The following METTL15 variants were observed in gnomAD, a reference collection of about 807,000 sequenced individuals.
METTL15 encodes the protein 12S rRNA N(4)-cytidine methyltransferase METTL15.
In METTL15, 34 loss-of-function variants were observed where a neutral mutation model predicts 38.3. That is an observed-to-expected ratio of 0.89 (90% CI 0.68 to 1.18). The LOEUF (loss-of-function observed/expected upper bound fraction) is 1.18, where lower values mean the gene tolerates loss of function less well. Among genes scored for constraint, METTL15 ranks in the 50% most tolerant of loss-of-function variants. The pLI is 0.00. For missense variants in METTL15, 438 were observed against 498.4 expected (o/e 0.88, Z 1.15); for synonymous variants, 162 against 170.9 (o/e 0.95, Z 0.41).
chr11:28,503,830 T>C (rs538675207), intron 6 of METTL15, among the ~76,000 whole-genome samples: 29 of 151,918 alleles, frequency 1.9e-4, no homozygotes, highest in South Asian at 6.2e-4. Context: ...GTAGGCCAGA[T>C]TCTATAGCTC....
chr11:28,234,706 C>T (rs1320893575), intron 4 of METTL15, among the ~76,000 whole-genome samples: 1 of 141,808 alleles, frequency 7.1e-6, no homozygotes, highest in African/African-American at 2.7e-5. Flanking sequence ...TGGATATTAG[C>T]CCTTTGTCAG....
At chr11:28,183,262 C>CT (rs1193450326) in intron 3 of METTL15, among the ~76,000 whole-genome samples, 1 of 152,020 alleles carries the variant, frequency 6.6e-6, no homozygotes, top group Non-Finnish European at 1.5e-5. Context: ...TTTCTCCTGC[C>CT]TGATTACCCT....
At chr11:28,298,208 G>A (rs1388268054) in intron 6 of METTL15, among the ~76,000 whole-genome samples, 1 of 151,982 alleles carries the variant, frequency 6.6e-6, no homozygotes, top group African/African-American at 2.4e-5. Context: ...CCCCTGTCTG[G>A]TGTTCCTTTA....
At chr11:28,221,142 A>G (rs951031814) in intron 4 of METTL15, among the ~76,000 whole-genome samples, 6 of 152,174 alleles carry the variant, frequency 3.9e-5, no homozygotes, top group Non-Finnish European at 8.8e-5. Context: ...CCTGGATAGT[A>G]TCCTGCAGAC....
At chr11:28,226,193 G>A (rs1853469881) in intron 4 of METTL15, among the ~76,000 whole-genome samples, 1 of 151,920 alleles carries the variant, frequency 6.6e-6, no homozygotes, top group Non-Finnish European at 1.5e-5. Context: ...CTCTGAGGCA[G>A]TGGGTGTGAG....
At chr11:28,453,589 C>T (rs1851142153) in intron 6 of METTL15, among the ~76,000 whole-genome samples, 1 of 152,220 alleles carries the variant, frequency 6.6e-6, no homozygotes. Flanking sequence ...GCATGTGTTT[C>T]TACTGGGCCT....
intron 5 of METTL15, among the ~76,000 whole-genome samples, chr11:28,386,707 A>G (rs1268163729): frequency 1.3e-5 from 2 of 151,972 alleles, no homozygotes; most frequent in African/African-American, 4.8e-5. Context: ...TTATAGACCA[A>G]TTGCACCTAA....
intron 5 of METTL15, among the ~76,000 whole-genome samples, chr11:28,419,011 C>T (rs1248153831): frequency 2.6e-5 from 4 of 152,172 alleles, no homozygotes; most frequent in African/African-American, 4.8e-5. Flanking sequence ...CTGCAACTCC[C>T]CAGCAAGTCC....
chr11:28,299,591 C>G (rs1409495489), intron 6 of METTL15, among the ~76,000 whole-genome samples: 2 of 151,988 alleles, frequency 1.3e-5, no homozygotes, highest in African/African-American at 4.8e-5. Flanking sequence ...AGAATCCTAC[C>G]CTCACACAAT....
intron 6 of METTL15, among the ~76,000 whole-genome samples, chr11:28,310,332 TGGA>T (rs1857229793): frequency 6.7e-6 from 1 of 149,448 alleles, no homozygotes; most frequent in Non-Finnish European, 1.5e-5. Context: ...GTCTAGAAAA[TGGA>T]GGAAATGTTC....
At chr11:28,366,494 AG>A (rs34561097) in intron 5 of METTL15, among the ~76,000 whole-genome samples, 64,188 of 151,888 alleles carry the variant, frequency 0.42, 14,952 homozygotes, top group Admixed American at 0.54. Context: ...AGAAGAAAAA[AG>A]TTCATTTTCT....
Position 28,154,555 on chromosome 11 carries a change from AT to A in METTL15, c.270+40955del, listed in dbSNP as rs1482429720. ...GAATAAGTGTATGAAAAATATATAAATTTTGTTATTAGATAAGTACTTGAAT... is the reference window on the plus strand; with the variant it reads ...GAATAAGTGTATGAAAAATATATAAATTTGTTATTAGATAAGTACTTGAAT... On this transcript the variant is annotated intron_variant, in intron 3 of 6. Coordinates refer to ENST00000407364, the MANE Select transcript of METTL15 (RefSeq NM_001113528.2). Among the ~76,000 whole-genome samples the A allele has an allele frequency of 2.0e-5, 3 of 152,240 alleles. No homozygotes were observed. In the South Asian group the frequency reaches 6.2e-4, roughly 32 times the overall value.
At chr11:28,188,241 C>T (rs1851574984) in intron 3 of METTL15, among the ~76,000 whole-genome samples, 1 of 151,276 alleles carries the variant, frequency 6.6e-6, no homozygotes, top group South Asian at 2.1e-4. Context: ...ACATGAATCA[C>T]ATATATTATT....
At chr11:28,482,526 G>A (rs375545307) in intron 6 of METTL15, among the ~76,000 whole-genome samples, 5 of 152,166 alleles carry the variant, frequency 3.3e-5, no homozygotes, top group African/African-American at 7.2e-5. Flanking sequence ...CCTAATTCTC[G>A]TTATTAGTAA....
downstream of METTL15, among the ~76,000 whole-genome samples, chr11:28,334,143 A>C (rs1293831051): frequency 6.6e-6 from 1 of 152,014 alleles, no homozygotes; most frequent in East Asian, 1.9e-4. Flanking sequence ...CTGTTTAGGA[A>C]GAAATAAAAA....
chr11:28,429,420 C>G (rs1169249190), intron 6 of METTL15, among the ~76,000 whole-genome samples: 1 of 132,092 alleles, frequency 7.6e-6, no homozygotes, highest in Non-Finnish European at 1.6e-5. Context: ...CATGCGGAGC[C>G]GAAGCTGGAC....
intron 5 of METTL15, among the ~76,000 whole-genome samples, chr11:28,419,858 T>G (rs1326252368): frequency 6.6e-6 from 1 of 152,138 alleles, no homozygotes; most frequent in African/African-American, 2.4e-5. Flanking sequence ...TTCTCAAATT[T>G]AAAATGCAAT....
intron 3 of METTL15, among the ~76,000 whole-genome samples, chr11:28,136,855 G>T (rs1299346540): frequency 6.6e-6 from 1 of 151,326 alleles, no homozygotes; most frequent in Non-Finnish European, 1.5e-5. Flanking sequence ...GTGATATTAT[G>T]GAATAGAATT....
intron 4 of METTL15, among the ~76,000 whole-genome samples, chr11:28,272,329 C>G (rs1334560383): frequency 6.6e-6 from 1 of 152,170 alleles, no homozygotes; most frequent in Non-Finnish European, 1.5e-5. Flanking sequence ...AAAAGCCCAT[C>G]AGTGATAGAC....
Sources: gnomAD v4.1 joint callset for allele counts (sites outside exome capture counted in the v4.1 genomes callset) on GRCh38, gnomAD v4.1.1 for gene constraint, MANE v1.5 for transcripts, NCBI Gene and HGNC (gene_info 2026-07-23, HGNC 2026-07-21) for gene names.